Variants in STAG2 observed in about 807,000 individuals in gnomAD.
The protein encoded by STAG2 is cohesin subunit SA-2.
In STAG2, 14 loss-of-function variants were observed where a neutral mutation model predicts 108.1. The observed-to-expected ratio is 0.13, with a 90% CI of 0.09 to 0.20. The LOEUF is 0.20. Among genes scored for constraint, STAG2 ranks in the 10% least tolerant of loss-of-function variants. STAG2 has a pLI of 1.00. For synonymous variants in STAG2, 307 were observed against 302.7 expected, an observed-to-expected ratio of 1.01 and a Z score of -0.15; for missense variants, 440 against 940.9, an observed-to-expected ratio of 0.47 and a Z score of 6.96.
chrX:124,058,393 G>A (rs1047893478), intron 15 of STAG2, among the ~76,000 whole-genome samples: 17 of 111,733 alleles, frequency 1.5e-4, no homozygotes, highest in Admixed American at 1.1e-3. Flanking sequence ...CAGGTGATCC[G>A]CCTGCCTTGG....
chrX:123,981,390 A>G (rs914597009), intron 1 of STAG2, among the ~76,000 whole-genome samples: 11 of 110,543 alleles, frequency 1.0e-4, no homozygotes, highest in Admixed American at 2.9e-4. Context: ...TAAGTATTTC[A>G]TGTAAGTGGA....
intron 29 of STAG2, among the ~76,000 whole-genome samples, chrX:124,085,665 C>G (rs1026078850): frequency 1.9e-5 from 2 of 107,060 alleles, no homozygotes; most frequent in African/African-American, 6.8e-5. Flanking sequence ...ATCCCAGCTA[C>G]TCAGGAGGCC....
intron 1 of STAG2, chrX:124,003,672 CCTT>C (rs2056159218): frequency 9.0e-6 from 1 of 110,563 alleles, no homozygotes; most frequent in Non-Finnish European, 1.9e-5. Context: ...GATCCACCCT[CCTT>C]GGCCTCTCAA....
At position 124,031,010 on chromosome X, in the gene STAG2, A is replaced by G; in HGVS notation, c.173A>G (p.Asn58Ser). Residue 58 changes from asparagine to serine, a missense_variant, in exon 5 of 35, where the codon AAT becomes AGT. Asn to Ser is a conservative substitution (Grantham distance 46). Transcript: ENST00000371145. The part of the protein sequence containing the change: ...KGPAEKGKGG[N>S]GGGKPPSGPN... ...CCAGCAGAAAAGGGCAAAGGTGGAA[A>G]TGGAGGAGGAAAACCTCCTTCTGGT... The G allele has an allele frequency of 8.3e-7, 1 of 1,208,598 alleles. No individual in the cohort carries two copies. Among genetic ancestry groups the G allele is most frequent in the Non-Finnish European group, 1.1e-6 (1 of 894,369 alleles).
In STAG2 at chrX:124,094,156, AATGATTTCTGT is replaced by A; in HGVS notation, c.3705+14_3705+24del. Reference sequence around the variant, plus strand: ...TGGATATAGATTTGGTAAGAAACTTAATGATTTCTGTAAGATTTTCAGTTTAGATCTTTTGA... The same window carrying A: ...TGGATATAGATTTGGTAAGAAACTTAAAGATTTTCAGTTTAGATCTTTTGA... On this transcript the variant is annotated intron_variant, in intron 33 of 34. Transcript: ENST00000371145. 1 of 1,194,707 alleles carries A rather than the reference AATGATTTCTGT, an allele frequency of 8.4e-7. No individual in the cohort carries two copies. Among genetic ancestry groups the A allele is most frequent in the South Asian group, 1.8e-5 (1 of 55,400 alleles).
intron 34 of STAG2, among the ~76,000 whole-genome samples, chrX:124,096,544 GA>G (rs942959688): frequency 3.6e-5 from 4 of 111,244 alleles, no homozygotes; most frequent in African/African-American, 1.3e-4. Flanking sequence ...CTTGTGTAGT[GA>G]GATAGGATAT....
chrX:124,040,934 C>T (rs5910055), intron 6 of STAG2, among the ~76,000 whole-genome samples: 45,516 of 92,394 alleles, frequency 0.49, 10,112 homozygotes, highest in Non-Finnish European at 0.61. Flanking sequence ...GATCTCGGCT[C>T]ACTGCAACCT....
chrX:124,098,115 G>T (rs963421436), intron 34 of STAG2, among the ~76,000 whole-genome samples: 3 of 110,215 alleles, frequency 2.7e-5, no homozygotes, highest in African/African-American at 6.6e-5. Context: ...AAAAATAGGG[G>T]CCTAATAGTC....
intron 1 of STAG2, among the ~76,000 whole-genome samples, chrX:123,987,045 T>A (rs2055222003): frequency 9.3e-6 from 1 of 107,970 alleles, no homozygotes; most frequent in African/African-American, 3.5e-5. Flanking sequence ...CAGGCTGGAG[T>A]GCAGTGGTGC....
intron 20 of STAG2, 96 bp from the exon 21 acceptor site, chrX:124,065,780 G>C (rs1015774235): frequency 3.4e-6 from 2 of 593,287 alleles, no homozygotes; most frequent in African/African-American, 4.7e-5. Flanking sequence ...TGTGGGTTTT[G>C]TTATGTTATT....
intron 1 of STAG2, among the ~76,000 whole-genome samples, chrX:124,007,386 C>T (rs2056342404): frequency 9.0e-6 from 1 of 111,406 alleles, no homozygotes; most frequent in East Asian, 2.8e-4. Flanking sequence ...GTTCTGACCT[C>T]ACTTTATATG....
At chrX:124,010,359 A>G (rs1001243755) in intron 1 of STAG2, among the ~76,000 whole-genome samples, 2 of 111,666 alleles carry the variant, frequency 1.8e-5, no homozygotes, top group African/African-American at 6.5e-5. Flanking sequence ...CAGATACCTC[A>G]TAAGTTGAAT....
intron 1 of STAG2, among the ~76,000 whole-genome samples, chrX:123,993,827 TTTTATATG>T (rs2055598123): frequency 9.0e-6 from 1 of 111,524 alleles, no homozygotes; most frequent in African/African-American, 3.3e-5. Context: ...TAAACGAACA[TTTTATATG>T]ATTTTTATGC....
At chrX:124,048,745 T>G (rs2057949341) in intron 9 of STAG2, among the ~76,000 whole-genome samples, 1 of 111,887 alleles carries the variant, frequency 8.9e-6, no homozygotes, top group South Asian at 3.7e-4. Context: ...TACAGTTCTT[T>G]AGTGGAAATT....
chrX:124,025,299 A>G (rs1277202501), intron 3 of STAG2, among the ~76,000 whole-genome samples: 1 of 111,893 alleles, frequency 8.9e-6, no homozygotes, highest in East Asian at 2.8e-4. Context: ...TCCCTAGTGT[A>G]TTTCAAATGC....
intron 13 of STAG2, among the ~76,000 whole-genome samples, chrX:124,052,334 A>C (rs1169560974): frequency 9.0e-6 from 1 of 111,642 alleles, no homozygotes; most frequent in East Asian, 2.8e-4. Context: ...CTGATTCTTC[A>C]TTGTCCCCTT....
At chrX:123,989,439 TCAGCATATTTTAAAG>T (rs2055341263) in intron 1 of STAG2, among the ~76,000 whole-genome samples, 1 of 111,122 alleles carries the variant, frequency 9.0e-6, no homozygotes, top group Admixed American at 9.7e-5. Flanking sequence ...TTTTACAATA[TCAGCATATTTTAAAG>T]CAGCATATAC....
At chrX:123,981,500 A>G (rs1367195811) in intron 1 of STAG2, among the ~76,000 whole-genome samples, 1 of 112,044 alleles carries the variant, frequency 8.9e-6, no homozygotes, top group Non-Finnish European at 1.9e-5. Flanking sequence ...TTAAAAGTGA[A>G]TAATATTCCA....
At chrX:124,090,525 T>C in intron 30 of STAG2, 50 bp from the exon 31 acceptor site, 2 of 1,058,928 alleles carry the variant, frequency 1.9e-6, no homozygotes, top group Non-Finnish European at 2.6e-6. Context: ...ATTAGACATC[T>C]GAATAGTCAA....
Sources: gnomAD v4.1 joint callset for allele counts (sites outside exome capture counted in the v4.1 genomes callset) on GRCh38, gnomAD v4.1.1 for gene constraint, MANE v1.5 for transcripts, NCBI Gene and HGNC (gene_info 2026-07-23, HGNC 2026-07-21) for gene names.